Variants in L3MBTL4 observed in about 807,000 individuals in gnomAD.
L3MBTL4 encodes L3MBTL histone methyl-lysine binding protein 4.
In L3MBTL4, 70 loss-of-function variants were observed where a neutral mutation model predicts 84.5. That is an observed-to-expected ratio of 0.83 (90% CI 0.68 to 1.01). L3MBTL4 has a LOEUF of 1.01. L3MBTL4 is among the 50% of genes least tolerant of loss of function. The pLI is 0.00. For missense variants in L3MBTL4, 715 were observed against 754.8 expected, an observed-to-expected ratio of 0.95 and a Z score of 0.62; for synonymous variants, 274 against 259.8, an observed-to-expected ratio of 1.05 and a Z score of -0.52.
chr18:6,160,594 T>A (rs1350627310), intron 13 of L3MBTL4, among the ~76,000 whole-genome samples: 1 of 151,964 alleles, frequency 6.6e-6, no homozygotes, highest in Admixed American at 6.6e-5. Flanking sequence ...TAGCCGGGCT[T>A]GGTGGCGGGG....
At chr18:6,114,703 C>T (rs2059304228) in intron 14 of L3MBTL4, among the ~76,000 whole-genome samples, 1 of 152,132 alleles carries the variant, frequency 6.6e-6, no homozygotes, top group Admixed American at 6.5e-5. Context: ...CCATTATTTG[C>T]TTCTTAATAT....
At chr18:6,174,937 A>T (rs2044159245) in intron 12 of L3MBTL4, among the ~76,000 whole-genome samples, 1 of 152,084 alleles carries the variant, frequency 6.6e-6, no homozygotes, top group Admixed American at 6.6e-5. Context: ...CTCATCTAAC[A>T]TACGCATATT....
intron 16 of L3MBTL4, among the ~76,000 whole-genome samples, chr18:6,055,500 T>C (rs192987800): frequency 4.0e-4 from 61 of 152,310 alleles, no homozygotes; most frequent in Middle Eastern, 3.4e-3. Flanking sequence ...ATTGATTGAT[T>C]GATTGACTGA....
intron 16 of L3MBTL4, among the ~76,000 whole-genome samples, chr18:6,058,602 A>G (rs2057102928): frequency 6.6e-6 from 1 of 152,142 alleles, no homozygotes; most frequent in Non-Finnish European, 1.5e-5. Flanking sequence ...TTTGAAGGTA[A>G]AGGTTCTTTG....
chr18:5,978,652 G>A (rs1433660148), intron 16 of L3MBTL4, among the ~76,000 whole-genome samples: 3 of 152,160 alleles, frequency 2.0e-5, no homozygotes, highest in African/African-American at 7.2e-5. Flanking sequence ...GGTTGGGCAT[G>A]CACAAAACTG....
intron 14 of L3MBTL4, among the ~76,000 whole-genome samples, chr18:6,128,750 T>A (rs1189669663): frequency 6.6e-6 from 1 of 151,580 alleles, no homozygotes; most frequent in East Asian, 1.9e-4. Context: ...TGAAAAGAGC[T>A]CTCCAAGCCA....
At chr18:6,407,466 C>T (rs948676537) in intron 1 of L3MBTL4, among the ~76,000 whole-genome samples, 9 of 152,168 alleles carry the variant, frequency 5.9e-5, no homozygotes, top group African/African-American at 2.2e-4. Flanking sequence ...AAGTACTATG[C>T]TGGCATCTCC....
intron 14 of L3MBTL4, among the ~76,000 whole-genome samples, chr18:6,127,075 G>A (rs557542693): frequency 2.6e-5 from 4 of 152,276 alleles, no homozygotes; most frequent in Admixed American, 6.5e-5. Flanking sequence ...AATTAAAGCC[G>A]TGCCTTTGGG....
At chr18:6,264,699 G>T (rs1020319846) in intron 4 of L3MBTL4, among the ~76,000 whole-genome samples, 2 of 152,168 alleles carry the variant, frequency 1.3e-5, no homozygotes, top group African/African-American at 2.4e-5. Flanking sequence ...CAGGAGAATT[G>T]CTTGAACCCA....
At position 6,081,207 on chromosome 18, in the gene L3MBTL4, A is replaced by C. The variant is rs868489983; in HGVS notation, c.1374-256T>G. The C allele has an allele frequency of 2.2e-5, 7 of 312,540 alleles. No homozygotes were observed. The South Asian group carries it at 4.1e-4, about 18-fold the overall frequency. 19.4% of individuals were successfully genotyped at this position (312,540 alleles called of 1,614,324 possible). On this transcript the variant is annotated intron_variant, in intron 15 of 18. Transcript: ENST00000317931. ...TCTATTACAGTAAAAAGTTTCCAAAACTCTCTGGAGAATAATCTCTTCAGA... is the reference window on the plus strand; with the variant it reads ...TCTATTACAGTAAAAAGTTTCCAAACCTCTCTGGAGAATAATCTCTTCAGA...
chr18:6,254,377 G>C (rs1333133020), intron 5 of L3MBTL4, among the ~76,000 whole-genome samples: 3 of 150,048 alleles, frequency 2.0e-5, no homozygotes, highest in Non-Finnish European at 2.9e-5. Context: ...CAAGCAGCAA[G>C]GCATGCTTCA....
intron 16 of L3MBTL4, among the ~76,000 whole-genome samples, chr18:6,019,420 C>T (rs1383903873): frequency 6.6e-6 from 1 of 152,134 alleles, no homozygotes; most frequent in Admixed American, 6.5e-5. Context: ...AGTTTAGAAA[C>T]CCCCTCATGT....
chr18:6,061,498 C>CA (rs2145889129), intron 16 of L3MBTL4, among the ~76,000 whole-genome samples: 1 of 151,876 alleles, frequency 6.6e-6, no homozygotes, highest in Non-Finnish European at 1.5e-5. Flanking sequence ...TAATAAAGTC[C>CA]AACTTATCTA....
chr18:6,194,323 A>T, intron 12 of L3MBTL4, among the ~76,000 whole-genome samples: 1 of 152,170 alleles, frequency 6.6e-6, no homozygotes. Flanking sequence ...GGGCGTGGCG[A>T]TGGTCACGGC....
At chr18:6,194,444 A>G (rs1339084826) in intron 12 of L3MBTL4, among the ~76,000 whole-genome samples, 1 of 151,986 alleles carries the variant, frequency 6.6e-6, no homozygotes, top group Non-Finnish European at 1.5e-5. Context: ...TTATTTTTAA[A>G]ATATTTTTTC....
intron 1 of L3MBTL4, among the ~76,000 whole-genome samples, chr18:6,322,243 T>C (rs1599632630): frequency 6.6e-6 from 1 of 150,694 alleles, no homozygotes; most frequent in Non-Finnish European, 1.5e-5. Flanking sequence ...GATGCTGAGG[T>C]GGGAGGATTG....
chr18:6,131,702 C>A (rs1387742461), intron 14 of L3MBTL4, among the ~76,000 whole-genome samples: 1 of 152,066 alleles, frequency 6.6e-6, no homozygotes, highest in Non-Finnish European at 1.5e-5. Flanking sequence ...ATAATGATAA[C>A]CTCAGGTGTT....
intron 13 of L3MBTL4, among the ~76,000 whole-genome samples, chr18:6,171,261 G>A (rs1156269047): frequency 6.6e-6 from 1 of 152,130 alleles, no homozygotes; most frequent in Non-Finnish European, 1.5e-5. Flanking sequence ...CAGATCAGAG[G>A]ACTCCTTCAG....
chr18:6,187,459 C>T (rs746098169), intron 12 of L3MBTL4, among the ~76,000 whole-genome samples: 86 of 152,132 alleles, frequency 5.7e-4, no homozygotes, highest in Non-Finnish European at 1.0e-3. Flanking sequence ...TATTCACCTC[C>T]TATGAAGTGT....
Sources: gnomAD v4.1 joint callset for allele counts (sites outside exome capture counted in the v4.1 genomes callset) on GRCh38, gnomAD v4.1.1 for gene constraint, MANE v1.5 for transcripts, NCBI Gene and HGNC (gene_info 2026-07-23, HGNC 2026-07-21) for gene names.